Variants in SGCZ observed in about 807,000 individuals in gnomAD.
SGCZ encodes sarcoglycan zeta.
Under a neutral mutation model 41.3 loss-of-function variants are expected in SGCZ, and 40 were observed. The observed-to-expected ratio is 0.97, with a 90% CI of 0.75 to 1.26. SGCZ has a LOEUF of 1.26. SGCZ is among the 50% of genes most tolerant of loss of function. The probability of loss-of-function intolerance (pLI) is 0.00; values close to 1 mark genes in which losing one functional copy is unlikely to be tolerated. For missense variants in SGCZ, 552 were observed against 369.8 expected, an observed-to-expected ratio of 1.49 and a Z score of -4.04; for synonymous variants, 206 against 137.5, an observed-to-expected ratio of 1.50 and a Z score of -3.49.
chr8:15,228,412 G>A (rs1415983033), intron 1 of SGCZ, among the ~76,000 whole-genome samples: 1 of 152,048 alleles, frequency 6.6e-6, no homozygotes, highest in African/African-American at 2.4e-5. Context: ...TATGACTGAG[G>A]CATCGACTTT....
intron 1 of SGCZ, among the ~76,000 whole-genome samples, chr8:14,666,175 T>C (rs539973226): frequency 2.3e-4 from 35 of 152,300 alleles, no homozygotes; most frequent in African/African-American, 8.2e-4. Flanking sequence ...TCCTAACAAA[T>C]ACTAGGGTTG....
At chr8:14,831,514 C>G (rs1180309568) in intron 1 of SGCZ, among the ~76,000 whole-genome samples, 1 of 152,052 alleles carries the variant, frequency 6.6e-6, no homozygotes, top group Non-Finnish European at 1.5e-5. Flanking sequence ...GAACTTCAGT[C>G]TACTACTTAT....
At chr8:14,428,169 C>T (rs1450902549) in intron 2 of SGCZ, among the ~76,000 whole-genome samples, 11 of 151,416 alleles carry the variant, frequency 7.3e-5, no homozygotes, top group Non-Finnish European at 1.3e-4. Flanking sequence ...CACACATACA[C>T]ACATGCATAT....
At chr8:15,007,241 A>T (rs1233510981) in intron 1 of SGCZ, among the ~76,000 whole-genome samples, 1 of 152,206 alleles carries the variant, frequency 6.6e-6, no homozygotes, top group Non-Finnish European at 1.5e-5. Flanking sequence ...GTATATTTAG[A>T]TATTAATTTT....
At chr8:14,453,869 G>C (rs1221575455) in intron 2 of SGCZ, among the ~76,000 whole-genome samples, 2 of 152,042 alleles carry the variant, frequency 1.3e-5, no homozygotes, top group African/African-American at 2.4e-5. Context: ...TTTAAATACA[G>C]AACTGTCTCC....
intron 1 of SGCZ, among the ~76,000 whole-genome samples, chr8:14,885,658 C>T (rs943879474): frequency 3.9e-5 from 6 of 151,998 alleles, no homozygotes; most frequent in Non-Finnish European, 5.9e-5. Context: ...ATATTCCCCA[C>T]AGTGCCTGGC....
chr8:15,067,215 G>A (rs189539772), intron 1 of SGCZ, among the ~76,000 whole-genome samples: 13 of 151,638 alleles, frequency 8.6e-5, no homozygotes, highest in Admixed American at 3.3e-4. Context: ...CATATCCTCC[G>A]GCTTGCCTAC....
At chr8:14,814,208 G>C (rs1346679432) in intron 1 of SGCZ, among the ~76,000 whole-genome samples, 1 of 152,060 alleles carries the variant, frequency 6.6e-6, no homozygotes, top group Admixed American at 6.6e-5. Flanking sequence ...TCTCATCTCA[G>C]AACAAATAAG....
intron 2 of SGCZ, among the ~76,000 whole-genome samples, chr8:14,349,207 G>A (rs6530766): frequency 0.015 from 2,246 of 152,114 alleles, 53 homozygotes; most frequent in African/African-American, 0.051. Context: ...AAATTAATTC[G>A]CATTACCAAA....
At chr8:15,217,747 C>G (rs1309261096) in intron 1 of SGCZ, among the ~76,000 whole-genome samples, 1 of 152,286 alleles carries the variant, frequency 6.6e-6, no homozygotes, top group South Asian at 2.1e-4. Context: ...ATGAAATTCT[C>G]CTGTATAGTC....
intron 2 of SGCZ, among the ~76,000 whole-genome samples, chr8:14,410,716 T>C (rs998049312): frequency 7.9e-5 from 12 of 152,084 alleles, no homozygotes; most frequent in Non-Finnish European, 7.4e-5. Context: ...CCATGGCACA[T>C]GTATGCCTGT....
chr8:14,144,241 T>G (rs1292406240), intron 5 of SGCZ, among the ~76,000 whole-genome samples: 1 of 152,090 alleles, frequency 6.6e-6, no homozygotes, highest in Non-Finnish European at 1.5e-5. Context: ...TCCTTCCACT[T>G]AAAGAGAGGA....
At chr8:14,708,046 T>C (rs1809387608) in intron 1 of SGCZ, among the ~76,000 whole-genome samples, 1 of 152,078 alleles carries the variant, frequency 6.6e-6, no homozygotes, top group Non-Finnish European at 1.5e-5. Flanking sequence ...TGTTATATTA[T>C]CAAAACCCAA....
chr8:14,612,017 T>A (rs1805945716), intron 1 of SGCZ, among the ~76,000 whole-genome samples: 1 of 152,246 alleles, frequency 6.6e-6, no homozygotes. Flanking sequence ...AAGGGAGGCA[T>A]TAATAAGCCA....
intron 1 of SGCZ, among the ~76,000 whole-genome samples, chr8:15,176,501 A>G (rs1291378337): frequency 1.3e-5 from 2 of 152,202 alleles, no homozygotes; most frequent in Non-Finnish European, 2.9e-5. Context: ...CGGTTTTCCA[A>G]AAATTAACTT....
intron 1 of SGCZ, among the ~76,000 whole-genome samples, chr8:14,641,134 T>C (rs4495427): frequency 0.85 from 128,271 of 151,450 alleles, 54,527 homozygotes; most frequent in East Asian, 0.92. Context: ...ACAAAGATCC[T>C]TCCAAAGACT....
chr8:14,819,591 G>A (rs1471461860), intron 1 of SGCZ, among the ~76,000 whole-genome samples: 1 of 152,102 alleles, frequency 6.6e-6, no homozygotes, highest in African/African-American at 2.4e-5. Flanking sequence ...GAACACCCTA[G>A]TGAAGTAATG....
intron 1 of SGCZ, among the ~76,000 whole-genome samples, chr8:14,987,027 G>T (rs1276716476): frequency 6.7e-6 from 1 of 149,726 alleles, no homozygotes; most frequent in Non-Finnish European, 1.5e-5. Flanking sequence ...GAATTTAAAA[G>T]ATTTTTAAAT....
chr8:14,960,931 GCACACACA>G (rs56258079), intron 1 of SGCZ, among the ~76,000 whole-genome samples: 1,953 of 144,452 alleles, frequency 0.014, 17 homozygotes, highest in South Asian at 0.025. Context: ...CAAGGAAATG[GCACACACA>G]CACACACACA....
Sources: allele counts gnomAD v4.1 joint callset (sites outside exome capture counted in the v4.1 genomes callset), GRCh38; gene constraint gnomAD v4.1.1; transcripts MANE v1.5; gene names NCBI Gene and HGNC (gene_info 2026-07-23, HGNC 2026-07-21).